Variants in SPIDR observed in about 807,000 individuals in gnomAD.
The protein encoded by SPIDR is DNA repair-scaffolding protein.
SPIDR carries 93 observed loss-of-function variants against 104.6 expected under a neutral mutation model. That is an observed-to-expected ratio of 0.89 (90% CI 0.75 to 1.06). The LOEUF (loss-of-function observed/expected upper bound fraction) is 1.06, where lower values mean the gene tolerates loss of function less well. SPIDR is among the 50% of genes least tolerant of loss of function. The pLI, the probability that SPIDR is intolerant of heterozygous loss-of-function variation, is 0.00. For missense variants in SPIDR, 1,154 were observed against 1,111.2 expected (o/e 1.04, Z -0.55); for synonymous variants, 431 against 416.9 (o/e 1.03, Z -0.41).
intron 11 of SPIDR, among the ~76,000 whole-genome samples, chr8:47,685,513 A>ATTTC (rs376980650): frequency 3.3e-5 from 4 of 120,972 alleles, no homozygotes; most frequent in Non-Finnish European, 3.7e-5. Flanking sequence ...TTATTTATTT[A>ATTTC]TTTATTTTTT....
intron 8 of SPIDR, among the ~76,000 whole-genome samples, chr8:47,575,540 A>G (rs1327076262): frequency 6.6e-6 from 1 of 150,956 alleles, no homozygotes; most frequent in African/African-American, 2.4e-5. Flanking sequence ...CCAGCTACTC[A>G]GGAGGCTGAG....
intron 5 of SPIDR, among the ~76,000 whole-genome samples, chr8:47,385,226 GTTC>G (rs2059747402): frequency 6.6e-6 from 1 of 152,072 alleles, no homozygotes; most frequent in South Asian, 2.1e-4. Flanking sequence ...ATCTGTATGT[GTTC>G]TTCTGTATTT....
intron 8 of SPIDR, among the ~76,000 whole-genome samples, chr8:47,577,962 T>G (rs551938022): frequency 6.6e-6 from 1 of 152,302 alleles, no homozygotes; most frequent in Admixed American, 6.5e-5. Flanking sequence ...GATAAAGATT[T>G]ATGGTTGGCC....
At chr8:47,723,587 G>C (rs1290520411) in intron 16 of SPIDR, among the ~76,000 whole-genome samples, 1 of 151,928 alleles carries the variant, frequency 6.6e-6, no homozygotes, top group African/African-American at 2.4e-5. Context: ...CCGCCACCAT[G>C]CCCGGCTAAT....
At chr8:47,326,761 C>T (rs913677205) in intron 5 of SPIDR, among the ~76,000 whole-genome samples, 1 of 152,186 alleles carries the variant, frequency 6.6e-6, no homozygotes, top group Non-Finnish European at 1.5e-5. Context: ...GAGGTTCCTC[C>T]ACATTGTAGC....
At chr8:47,294,091 C>T in intron 5 of SPIDR, 61 bp downstream of exon 5, 1 of 1,449,152 alleles carries the variant, frequency 6.9e-7, no homozygotes. Context: ...TCATAGTTGT[C>T]ATTTTTTTTT....
At chr8:47,675,558 C>G (rs766894663) in intron 11 of SPIDR, among the ~76,000 whole-genome samples, 3 of 152,100 alleles carry the variant, frequency 2.0e-5, no homozygotes, top group African/African-American at 7.2e-5. Flanking sequence ...CACGGTGGCT[C>G]CTCACACTTT....
At chr8:47,323,946 G>A (rs560756551) in intron 5 of SPIDR, among the ~76,000 whole-genome samples, 205 of 152,138 alleles carry the variant, frequency 1.3e-3, no homozygotes, top group Non-Finnish European at 2.6e-3. Flanking sequence ...TGTAACTTTT[G>A]TTTAAGCTAA....
chr8:47,290,659 TA>T (rs2039742983), intron 3 of SPIDR, among the ~76,000 whole-genome samples: 1 of 152,262 alleles, frequency 6.6e-6, no homozygotes, highest in South Asian at 2.1e-4. Context: ...CTGTTACTCA[TA>T]AGTTTTGACT....
At chr8:47,567,647 A>C (rs1587857791) in intron 8 of SPIDR, among the ~76,000 whole-genome samples, 2 of 152,110 alleles carry the variant, frequency 1.3e-5, no homozygotes, top group South Asian at 4.1e-4. Flanking sequence ...TGAGGTTAGT[A>C]TGGTAGGAAG....
At chr8:47,634,563 A>G (rs553701353) in intron 10 of SPIDR, among the ~76,000 whole-genome samples, 1 of 152,342 alleles carries the variant, frequency 6.6e-6, no homozygotes, top group Non-Finnish European at 1.5e-5. Flanking sequence ...CCTCCACTCT[A>G]TAGAGACCCT....
chr8:47,305,549 C>G (rs2042955131), intron 5 of SPIDR, among the ~76,000 whole-genome samples: 2 of 152,052 alleles, frequency 1.3e-5, no homozygotes, highest in Non-Finnish European at 1.5e-5. Context: ...CAGGAATAAA[C>G]AAAATTTTGT....
chr8:47,627,491 T>C (rs1474577460), intron 10 of SPIDR, among the ~76,000 whole-genome samples: 7 of 152,228 alleles, frequency 4.6e-5, no homozygotes, highest in Admixed American at 4.6e-4. Context: ...GAATATTTGA[T>C]AAGGCATTAA....
chr8:47,598,809 C>T, intron 9 of SPIDR, 137 bp from the exon 10 acceptor site: 1 of 1,129,922 alleles, frequency 8.9e-7, no homozygotes, highest in Non-Finnish European at 1.2e-6. Context: ...TCATCTTCAT[C>T]ATCACTTCAG....
chr8:47,336,352 C>G (rs1308367275), intron 5 of SPIDR, among the ~76,000 whole-genome samples: 1 of 152,096 alleles, frequency 6.6e-6, no homozygotes, highest in South Asian at 2.1e-4. Context: ...TGTTGCTTGC[C>G]GCACAGAAAG....
At chr8:47,278,520 G>A (rs1354416410) in intron 1 of SPIDR, among the ~76,000 whole-genome samples, 1 of 151,916 alleles carries the variant, frequency 6.6e-6, no homozygotes, top group Non-Finnish European at 1.5e-5. Flanking sequence ...GGGGTCTCAC[G>A]ACGTTGCCTA....
intron 8 of SPIDR, among the ~76,000 whole-genome samples, chr8:47,475,494 T>G (rs1554723281): frequency 6.6e-6 from 1 of 152,236 alleles, no homozygotes; most frequent in East Asian, 1.9e-4. Flanking sequence ...GCAGTGATCT[T>G]TAAAGCCATG....
At chr8:47,601,540 G>A (rs1333083161) in intron 10 of SPIDR, among the ~76,000 whole-genome samples, 1 of 152,080 alleles carries the variant, frequency 6.6e-6, no homozygotes, top group East Asian at 1.9e-4. Context: ...CTAAAAATAC[G>A]AAAATTAGTT....
chr8:47,734,219 C>G (rs914917175), intron 19 of SPIDR, among the ~76,000 whole-genome samples: 4 of 152,178 alleles, frequency 2.6e-5, no homozygotes, highest in Non-Finnish European at 5.9e-5. Flanking sequence ...GACCCCCTCA[C>G]AGCATGTGTG....
Sources: gnomAD v4.1 joint callset for allele counts (sites outside exome capture counted in the v4.1 genomes callset) on GRCh38, gnomAD v4.1.1 for gene constraint, MANE v1.5 for transcripts, NCBI Gene and HGNC (gene_info 2026-07-23, HGNC 2026-07-21) for gene names.